The following PSMB2 variants were observed in gnomAD, a reference collection of about 807,000 sequenced individuals.
PSMB2 encodes proteasome 20S subunit beta 2, also known as proteasome subunit beta type-2.
In PSMB2, 13 loss-of-function variants were observed where a neutral mutation model predicts 25.7. The observed-to-expected ratio is 0.51, with a 90% confidence interval of 0.33 to 0.80. The LOEUF (loss-of-function observed/expected upper bound fraction) is 0.80. Ranked by LOEUF, PSMB2 falls within the 30% of genes least tolerant of loss-of-function variation. The pLI is 0.02. For missense variants in PSMB2, 202 were observed against 259.0 expected (o/e 0.78, Z 1.51); for synonymous variants, 87 against 96.2 (o/e 0.90, Z 0.56).
intron 3 of PSMB2, among the ~76,000 whole-genome samples, chr1:35,626,890 A>C (rs2148573286): frequency 6.6e-6 from 1 of 152,320 alleles, no homozygotes; most frequent in South Asian, 2.1e-4. Context: ...GCTGTGACTG[A>C]GGAACAGAAT....
chr1:35,610,471 G>T (rs1048060422), intron 3 of PSMB2, among the ~76,000 whole-genome samples: 2 of 151,978 alleles, frequency 1.3e-5, no homozygotes, highest in Non-Finnish European at 2.9e-5. Context: ...GGTAGGGAGG[G>T]ATAGTAAGTC....
At chr1:35,622,578 G>C (rs941284091) in intron 3 of PSMB2, among the ~76,000 whole-genome samples, 2 of 152,032 alleles carry the variant, frequency 1.3e-5, no homozygotes, top group African/African-American at 2.4e-5. Flanking sequence ...TGAAAAGTTG[G>C]CATTATGGGG....
chr1:35,618,948 A>T (rs1020476296), intron 3 of PSMB2, among the ~76,000 whole-genome samples: 5 of 152,234 alleles, frequency 3.3e-5, no homozygotes, highest in Non-Finnish European at 7.3e-5. Flanking sequence ...CTCATACTAT[A>T]CTGGGAAATA....
chr1:35,612,694 GTAAGT>G (rs1571125662), intron 3 of PSMB2, among the ~76,000 whole-genome samples: 1 of 152,256 alleles, frequency 6.6e-6, no homozygotes, highest in East Asian at 1.9e-4. Context: ...CTATCACAAA[GTAAGT>G]TAAATCTTTT....
intron 1 of PSMB2, 48 bp downstream of exon 1, chr1:35,641,294 C>A: frequency 6.2e-7 from 1 of 1,610,460 alleles, no homozygotes. Flanking sequence ...CTCCTTCTGG[C>A]CGCTCCTACA....
intron 3 of PSMB2, among the ~76,000 whole-genome samples, chr1:35,611,590 G>A (rs947782041): frequency 3.9e-5 from 6 of 152,226 alleles, no homozygotes; most frequent in South Asian, 2.1e-4. Context: ...TTGGGAGGCC[G>A]AGGCGGGCAG....
At chr1:35,640,410 T>C (rs561634342) in intron 1 of PSMB2, among the ~76,000 whole-genome samples, 39 of 152,300 alleles carry the variant, frequency 2.6e-4, no homozygotes, top group African/African-American at 9.1e-4. Flanking sequence ...AAATAACTTA[T>C]ACAAACTCAT....
rs577872137 is a variant in PSMB2, at chr1:35,604,152, A to T, written c.499-778T>A. 5.6e-4 allele frequency among the ~76,000 whole-genome samples: 85 copies of T among 152,214 alleles called. 2 individuals carry two copies. The highest frequency in any genetic ancestry group is 4.2e-3 in the Admixed American group (64 of 15,278). Reference sequence around the variant, plus strand: ...TCTTATCTTCCTACTCTCTTACTAAACCACGAGGTCAAGTTCATCCTTAAG... The same window carrying T: ...TCTTATCTTCCTACTCTCTTACTAATCCACGAGGTCAAGTTCATCCTTAAG... On this transcript the variant is annotated intron_variant, in intron 5 of 5. Coordinates refer to ENST00000373237, the MANE Select transcript of PSMB2 (RefSeq NM_002794.5).
Position 35,601,512 on chromosome 1 carries a change from T to C in PSMB2, c.*1755A>G. 1 of 985,436 alleles carries C rather than the reference T, an allele frequency of 1.0e-6. No individual in the cohort carries two copies. The highest frequency in any genetic ancestry group is 1.2e-6 in the Non-Finnish European group (1 of 829,936). 61.0% of individuals were successfully genotyped at this position (985,436 alleles called of 1,614,324 possible). On this transcript the variant is annotated 3_prime_UTR_variant, in exon 6 of 6. Coordinates refer to ENST00000373237, the MANE Select transcript of PSMB2 (RefSeq NM_002794.5). ...CATCTCTTTTCTCCCATTTACTCAA[T>C]GATTAGCTTTCTTCTTATGGTGTAA... is the stretch of plus-strand genomic sequence containing the variant.
intron 1 of PSMB2, among the ~76,000 whole-genome samples, chr1:35,639,215 T>C (rs1177964968): frequency 2.0e-5 from 3 of 151,990 alleles, no homozygotes; most frequent in Non-Finnish European, 4.4e-5. Flanking sequence ...GATCGCGCCA[T>C]TGCACTCCAG....
intron 3 of PSMB2, among the ~76,000 whole-genome samples, chr1:35,614,791 A>G (rs1335120273): frequency 6.6e-6 from 1 of 152,218 alleles, no homozygotes; most frequent in Non-Finnish European, 1.5e-5. Context: ...CCAGCCTGGG[A>G]ATTCAGAATG....
At chr1:35,626,198 C>G (rs1650854960) in intron 3 of PSMB2, among the ~76,000 whole-genome samples, 1 of 152,164 alleles carries the variant, frequency 6.6e-6, no homozygotes, top group Non-Finnish European at 1.5e-5. Context: ...GTCTAACCAA[C>G]AAGAAGAGAC....
rs957293108 is a variant in PSMB2, at chr1:35,609,343, G to A, written c.351C>T (p.Tyr117=). 2.5e-6 allele frequency: 4 copies of A among 1,613,106 alleles called. No individual in the cohort carries two copies. Among genetic ancestry groups the A allele is most frequent in the Non-Finnish European group, 2.5e-6 (3 of 1,179,570 alleles). Residue 117 remains tyrosine, a synonymous_variant, in exon 4 of 6, where the codon TAC becomes TAT. Coordinates refer to ENST00000373237, the MANE Select transcript of PSMB2 (RefSeq NM_002794.5). ...TGGCCAAGGCTGCCAGGTAGTCCAT[G>A]TAATACAGCGCTGGCCCTTCATGCT... ...YDEHEGPALY[Y]MDYLAALAKA... is the part of the protein sequence containing the mutation.
In PSMB2 at chr1:35,602,821, G is replaced by A. The variant is rs1470320219; in HGVS notation, c.*446C>T. On this transcript the variant is annotated 3_prime_UTR_variant, in exon 6 of 6. Transcript: ENST00000373237. ...CTGGAAGAAATATTTTTCACTACAT[G>A]TTTTTGTACTGTTTGCATGTTACAT... 2.5e-6 allele frequency: 2 copies of A among 798,490 alleles called. No individual in the cohort carries two copies. The highest frequency in any genetic ancestry group is 3.0e-6 in the Non-Finnish European group (2 of 658,530). 49.5% of individuals were successfully genotyped at this position (798,490 alleles called of 1,614,324 possible). A position where few individuals can be genotyped will look rare whatever the true frequency, so the allele number is the denominator to read the frequency against.
chr1:35,615,753 C>T (rs1650474763), intron 3 of PSMB2, among the ~76,000 whole-genome samples: 2 of 152,130 alleles, frequency 1.3e-5, no homozygotes. Flanking sequence ...AATGGGACGA[C>T]ACTGCTATGA....
chr1:35,601,398 T>C lies in PSMB2; in HGVS notation c.*1869A>G. The C allele has an allele frequency of 2.2e-5, 22 of 985,276 alleles. No individual in the cohort carries two copies. The highest frequency in any genetic ancestry group is 2.5e-5 in the Non-Finnish European group (21 of 829,894). 61.0% of individuals were successfully genotyped at this position (985,276 alleles called of 1,614,324 possible). A position where few individuals can be genotyped will look rare whatever the true frequency, so the allele number is the denominator to read the frequency against. On this transcript the variant is annotated 3_prime_UTR_variant, in exon 6 of 6. Coordinates refer to ENST00000373237, the MANE Select transcript of PSMB2 (RefSeq NM_002794.5). ...CAACCTGTGGCACTTTTAAAATAGA[T>C]GCCTTACACTCAGGAATCTAGCTAA...
chr1:35,623,788 G>T (rs999851477), intron 3 of PSMB2, among the ~76,000 whole-genome samples: 1 of 152,170 alleles, frequency 6.6e-6, no homozygotes, highest in Non-Finnish European at 1.5e-5. Flanking sequence ...TGCTAACCAC[G>T]TTTGCCAAAA....
intron 4 of PSMB2, among the ~76,000 whole-genome samples, chr1:35,607,690 G>T (rs1650208399): frequency 1.3e-5 from 2 of 152,152 alleles, no homozygotes; most frequent in South Asian, 4.1e-4. Flanking sequence ...TTATCCAAAA[G>T]AAAGGAAATC....
In PSMB2 at chr1:35,601,752, T is replaced by A. The variant is rs75773915; in HGVS notation, c.*1515A>T. ...AGTCGGAGACCAAATGGTTTTGATA[T>A]GTGGTTCCTAGACCAGCAGCATCAG... On this transcript the variant is annotated 3_prime_UTR_variant, in exon 6 of 6. Transcript: ENST00000373237. 2.0e-6 allele frequency: 2 copies of A among 985,306 alleles called. No homozygotes were observed. The highest frequency in any genetic ancestry group is 2.4e-6 in the Non-Finnish European group (2 of 829,932). 61.0% of individuals were successfully genotyped at this position (985,306 alleles called of 1,614,324 possible). A position where few individuals can be genotyped will look rare whatever the true frequency, so the allele number is the denominator to read the frequency against.
Sources: allele counts gnomAD v4.1 joint callset (sites outside exome capture counted in the v4.1 genomes callset), GRCh38; gene constraint gnomAD v4.1.1; transcripts MANE v1.5; gene names NCBI Gene and HGNC (gene_info 2026-07-23, HGNC 2026-07-21).